The following AVEN variants were observed in gnomAD, a reference collection of about 807,000 sequenced individuals.
The protein encoded by AVEN is cell death regulator Aven.
A neutral mutation model predicts 38.1 loss-of-function variants in AVEN; 41 were observed. The ratio of observed to expected loss-of-function variants is 1.08; its 90% CI spans 0.84 to 1.40. The LOEUF is 1.40. Among genes scored for constraint, AVEN ranks in the 40% most tolerant of loss-of-function variants. The pLI is 0.00. For missense variants in AVEN, 605 were observed against 438.8 expected, an observed-to-expected ratio of 1.38 and a Z score of -3.38; for synonymous variants, 206 against 171.8, an observed-to-expected ratio of 1.20 and a Z score of -1.56.
intron 3 of AVEN, among the ~76,000 whole-genome samples, chr15:33,872,536 ACT>A (rs1185065761): frequency 6.6e-6 from 1 of 151,782 alleles, no homozygotes; most frequent in Non-Finnish European, 1.5e-5. Context: ...ACAGAACTGA[ACT>A]CTCTGGGTGG....
At chr15:34,029,034 TC>T (rs1367557104) in intron 1 of AVEN, among the ~76,000 whole-genome samples, 3 of 152,172 alleles carry the variant, frequency 2.0e-5, no homozygotes, top group African/African-American at 7.2e-5. Flanking sequence ...TGTCCACAAC[TC>T]TTCACCTCTA....
chr15:33,914,833 T>C (rs1248380051), intron 2 of AVEN, among the ~76,000 whole-genome samples: 1 of 152,088 alleles, frequency 6.6e-6, no homozygotes, highest in Non-Finnish European at 1.5e-5. Flanking sequence ...TGTACATATA[T>C]GTACACATAA....
chr15:34,011,631 A>C (rs983234482), intron 1 of AVEN, among the ~76,000 whole-genome samples: 7 of 152,118 alleles, frequency 4.6e-5, no homozygotes, highest in African/African-American at 1.4e-4. Context: ...AAGGGAGGAG[A>C]GAGGCATCCC....
At chr15:34,040,086 C>T (rs188696048), upstream of AVEN, among the ~76,000 whole-genome samples, 23 of 152,232 alleles carry the variant, frequency 1.5e-4, no homozygotes, top group African/African-American at 4.3e-4. Flanking sequence ...TTCCTATATC[C>T]ATACATAGTT....
downstream of AVEN, chr15:33,856,269 A>G (rs997009908): frequency 1.3e-5 from 2 of 152,166 alleles, no homozygotes; most frequent in African/African-American, 4.8e-5. Flanking sequence ...TCTTCCCTCA[A>G]GTCTGCTGAA....
At chr15:34,026,241 T>C (rs1898466642) in intron 1 of AVEN, among the ~76,000 whole-genome samples, 1 of 152,142 alleles carries the variant, frequency 6.6e-6, no homozygotes, top group Non-Finnish European at 1.5e-5. Flanking sequence ...GAAAAGAATA[T>C]ACATCAAATG....
At chr15:33,976,040 T>C (rs1895872673) in intron 2 of AVEN, among the ~76,000 whole-genome samples, 1 of 152,190 alleles carries the variant, frequency 6.6e-6, no homozygotes, top group African/African-American at 2.4e-5. Context: ...GTTTCCAGGT[T>C]TGTGAACTCT....
At chr15:33,860,333 C>A (rs971822722) in intron 11 of AVEN, among the ~76,000 whole-genome samples, 1 of 151,908 alleles carries the variant, frequency 6.6e-6, no homozygotes, top group Non-Finnish European at 1.5e-5. Flanking sequence ...AGGAGACCAA[C>A]CAGGGAGAAG....
chr15:33,860,774 G>A, intron 11 of AVEN: 1 of 854,020 alleles, frequency 1.2e-6, no homozygotes, highest in African/African-American at 1.8e-5. Context: ...CAAGAACGCA[G>A]TTTGTTTTCC....
downstream of AVEN, chr15:33,861,273 C>T (rs561621624): frequency 2.3e-6 from 2 of 872,228 alleles, no homozygotes; most frequent in South Asian, 2.9e-5. Flanking sequence ...AAAGAGTAAC[C>T]AGAAAGGAAC....
chr15:33,865,198 G>A (rs765872802), downstream of AVEN: 51 of 1,613,416 alleles, frequency 3.2e-5, no homozygotes, highest in South Asian at 9.9e-5. Context: ...GACTGCTTTC[G>A]TAAACAATAT....
intron 4 of AVEN, 30 bp downstream of exon 4, chr15:33,870,905 C>G: frequency 6.4e-7 from 1 of 1,563,512 alleles, no homozygotes; most frequent in South Asian, 1.1e-5. Flanking sequence ...CCCTAATCCA[C>G]CCGCTTCAAG....
At chr15:33,913,070 G>A (rs994917507) in intron 2 of AVEN, among the ~76,000 whole-genome samples, 3 of 151,906 alleles carry the variant, frequency 2.0e-5, no homozygotes, top group South Asian at 2.1e-4. Flanking sequence ...TGTATTTTTC[G>A]TAGAGATGGG....
chr15:33,951,427 GA>G (rs1363224563), intron 2 of AVEN, among the ~76,000 whole-genome samples: 3 of 151,806 alleles, frequency 2.0e-5, no homozygotes, highest in Non-Finnish European at 4.4e-5. Flanking sequence ...GTGGGGGAGG[GA>G]GGAGGGATAG....
intron 2 of AVEN, among the ~76,000 whole-genome samples, chr15:33,931,571 T>C (rs549674921): frequency 2.2e-4 from 33 of 151,896 alleles, no homozygotes; most frequent in Middle Eastern, 3.4e-3. Flanking sequence ...GGGGTTTCAC[T>C]GTGTTAGCCA....
chr15:34,042,364 T>C (rs1005173998), upstream of AVEN, among the ~76,000 whole-genome samples: 6 of 152,034 alleles, frequency 3.9e-5, no homozygotes, highest in Non-Finnish European at 8.8e-5. Context: ...AAACTGTACT[T>C]TTTGCATATT....
At chr15:33,878,628 G>A (rs1891353606) in intron 2 of AVEN, among the ~76,000 whole-genome samples, 1 of 152,074 alleles carries the variant, frequency 6.6e-6, no homozygotes, top group South Asian at 2.1e-4. Context: ...TTGAATTACA[G>A]AAATTATCAA....
At chr15:34,033,916 T>C (rs1344207420) in intron 1 of AVEN, among the ~76,000 whole-genome samples, 2 of 152,036 alleles carry the variant, frequency 1.3e-5, no homozygotes, top group Non-Finnish European at 2.9e-5. Flanking sequence ...GCCTCCCAAG[T>C]AGCTGGGATT....
Position 33,866,723 on chromosome 15 carries a change from C to T in AVEN, c.979G>A (p.Ala327Thr), listed in dbSNP as rs752808532. Residue 327 changes from alanine (A) to threonine (T), a missense_variant, in exon 6 of 6, where the codon GCA (alanine) becomes ACA (threonine). By Grantham distance (58) the Ala-to-Thr change is moderately conservative. Transcript: ENST00000306730. The stretch of plus-strand genomic sequence containing the variant: ...TTTTCTTCAGTCACAGATGGTTTTG[C>T]ACAAACTGGGGGAAAAAAAACAATG... ...GEVVQEEEVC[A>T]KPSVTEEKNM... 1.9e-6 allele frequency: 3 copies of T among 1,612,228 alleles called. No individual in the cohort carries two copies. The highest frequency in any genetic ancestry group is 1.3e-5 in the African/African-American group (1 of 74,932).
Sources: gnomAD v4.1 joint callset for allele counts (sites outside exome capture counted in the v4.1 genomes callset) on GRCh38, gnomAD v4.1.1 for gene constraint, MANE v1.5 for transcripts, NCBI Gene and HGNC (gene_info 2026-07-23, HGNC 2026-07-21) for gene names.